The following CYTH3 variants were observed in gnomAD, a reference collection of about 807,000 sequenced individuals.
The protein encoded by CYTH3 is cytohesin-3.
Under a neutral mutation model 55.1 loss-of-function variants are expected in CYTH3, and 23 were observed. That is an observed-to-expected ratio of 0.42 (90% CI 0.30 to 0.59). The LOEUF is 0.59. Among genes scored for constraint, CYTH3 ranks in the 20% least tolerant of loss-of-function variants. The pLI, the probability that CYTH3 is intolerant of heterozygous loss-of-function variation, is 0.20. For synonymous variants in CYTH3, 249 were observed against 194.9 expected, an observed-to-expected ratio of 1.28 and a Z score of -2.31; for missense variants, 413 against 524.8, an observed-to-expected ratio of 0.79 and a Z score of 2.08.
intron 1 of CYTH3, among the ~76,000 whole-genome samples, chr7:6,267,273 C>G (rs894263166): frequency 1.3e-5 from 2 of 152,140 alleles, no homozygotes; most frequent in African/African-American, 4.8e-5. Context: ...TCAGGTACTT[C>G]TTTATAGCAA....
At chr7:6,179,611 CACACACA>C (rs1783426959) in intron 4 of CYTH3, among the ~76,000 whole-genome samples, 1 of 96,706 alleles carries the variant, frequency 1.0e-5, no homozygotes, top group Admixed American at 9.8e-5. Flanking sequence ...CACCACACAC[CACACACA>C]CACACCCCCC....
intron 1 of CYTH3, among the ~76,000 whole-genome samples, chr7:6,225,972 C>T (rs1779240760): frequency 6.6e-6 from 1 of 152,114 alleles, no homozygotes; most frequent in Non-Finnish European, 1.5e-5. Flanking sequence ...AGGTGTGAGC[C>T]ACCACACACA....
intron 6 of CYTH3, 87 bp downstream of exon 6, chr7:6,173,566 T>C (rs543072536): frequency 2.4e-6 from 2 of 837,888 alleles, no homozygotes; most frequent in Admixed American, 1.8e-5. Context: ...CCAAGTTACC[T>C]GGAGTCAATT....
At chr7:6,166,622 G>C (rs1388676364) in intron 9 of CYTH3, among the ~76,000 whole-genome samples, 2 of 152,176 alleles carry the variant, frequency 1.3e-5, no homozygotes, top group Admixed American at 1.3e-4. Context: ...CTCTGTGGAT[G>C]GATCACCAGG....
chr7:6,191,907 A>C (rs1225024075), intron 1 of CYTH3, among the ~76,000 whole-genome samples: 1 of 152,000 alleles, frequency 6.6e-6, no homozygotes, highest in East Asian at 1.9e-4. Flanking sequence ...TGGGACCCCC[A>C]TCTGAACTAA....
chr7:6,180,622 C>A (rs1450021216), intron 4 of CYTH3, among the ~76,000 whole-genome samples: 1 of 152,252 alleles, frequency 6.6e-6, no homozygotes, highest in Non-Finnish European at 1.5e-5. Flanking sequence ...TTGTTTTAAA[C>A]CACCCCGTTG....
At position 6,164,755 on chromosome 7, in the gene CYTH3, G is replaced by A. The variant is rs1021818702; in HGVS notation, c.*189C>T. 10 of 688,380 alleles carry A rather than the reference G, an allele frequency of 1.5e-5. No homozygotes were observed. Among genetic ancestry groups the A allele is most frequent in the African/African-American group, 1.4e-4 (8 of 56,002 alleles). The allele number at this position is 688,380 out of a possible 1,614,324, so 42.6% of individuals were successfully genotyped here. A position where few individuals can be genotyped will look rare whatever the true frequency, so the allele number is the denominator to read the frequency against. On this transcript the variant is annotated 3_prime_UTR_variant, in exon 13 of 13. Coordinates refer to ENST00000350796, the MANE Select transcript of CYTH3 (RefSeq NM_004227.4). The stretch of plus-strand genomic sequence containing the variant: ...CTGGAGCAGCAGCTTGCACTGCAGG[G>A]CGACCACCTCCCAGGACCCCAGCCA...
chr7:6,259,800 T>TAAA (rs1192563527), intron 1 of CYTH3, among the ~76,000 whole-genome samples: 1 of 25,512 alleles, frequency 3.9e-5, no homozygotes, highest in Non-Finnish European at 5.4e-5. Flanking sequence ...TATATATATA[T>TAAA]ATATATATAT....
At position 6,210,165 on chromosome 7, in the gene CYTH3, G is replaced by A. The variant is rs563392536; in HGVS notation, c.35-19634C>T. Among the ~76,000 whole-genome samples, 5 of 152,266 alleles carry A rather than the reference G, an allele frequency of 3.3e-5. No individual in the cohort carries two copies. The East Asian group carries it at 9.6e-4, about 29-fold the overall frequency. ...ATTGTAAGAAATGCACCACACTAATGTAAGATGTTAATAACAGAAAAACTA... is the reference window on the plus strand; with the variant it reads ...ATTGTAAGAAATGCACCACACTAATATAAGATGTTAATAACAGAAAAACTA... On this transcript the variant is annotated intron_variant, in intron 1 of 12. Coordinates refer to ENST00000350796, the MANE Select transcript of CYTH3 (RefSeq NM_004227.4).
intron 1 of CYTH3, among the ~76,000 whole-genome samples, chr7:6,235,213 C>T (rs777391084): frequency 2.0e-5 from 3 of 152,208 alleles, no homozygotes; most frequent in Non-Finnish European, 2.9e-5. Flanking sequence ...TAGTGGCTCA[C>T]GCCTGTAATC....
chr7:6,214,793 T>C (rs1380382658), intron 1 of CYTH3, among the ~76,000 whole-genome samples: 1 of 152,192 alleles, frequency 6.6e-6, no homozygotes, highest in Admixed American at 6.5e-5. Flanking sequence ...CACGGTAATA[T>C]CAAAGTACCA....
chr7:6,246,876 T>G (rs927073360), intron 1 of CYTH3, among the ~76,000 whole-genome samples: 1 of 152,242 alleles, frequency 6.6e-6, no homozygotes, highest in African/African-American at 2.4e-5. Flanking sequence ...TGATTTCAAT[T>G]CAATGTCAGT....
Position 6,263,058 on chromosome 7 carries a change from A to T in CYTH3, c.34+9416T>A, listed in dbSNP as rs139535667. Reference sequence around the variant, plus strand: ...ACCTAAAGTCATATTTGATTCCTACAGTTTCTATACCTCTAACCTTCTCCA... The same window carrying T: ...ACCTAAAGTCATATTTGATTCCTACTGTTTCTATACCTCTAACCTTCTCCA... On this transcript the variant is annotated intron_variant, in intron 1 of 12. Transcript: ENST00000350796. Among the ~76,000 whole-genome samples, 632 of 152,308 alleles carry T rather than the reference A, an allele frequency of 4.1e-3. 8 individuals carry two copies. The highest frequency in any genetic ancestry group is 0.014 in the African/African-American group (583 of 41,564).
Position 6,171,462 on chromosome 7 carries a change from A to G in CYTH3, c.450-148T>C. On this transcript the variant is annotated intron_variant, in intron 6 of 12. Coordinates refer to ENST00000350796, the MANE Select transcript of CYTH3 (RefSeq NM_004227.4). This position sits in a 1 kb window ranked among gnomAD's most constrained non-coding sequence, Gnocchi z 6.7. ...GGGGCTTGGGGGCGCAGAGACAGAA[A>G]GGAGAAGACCCAGGACAGTCTCCTT... The G allele has an allele frequency of 1.5e-6, 1 of 646,182 alleles. No homozygotes were observed. The highest frequency in any genetic ancestry group is 2.7e-6 in the Non-Finnish European group (1 of 369,360). The allele number at this position is 646,182 out of a possible 1,614,324, so 40.0% of individuals were successfully genotyped here. A position where few individuals can be genotyped will look rare whatever the true frequency, so the allele number is the denominator to read the frequency against.
intron 1 of CYTH3, among the ~76,000 whole-genome samples, chr7:6,261,491 G>A (rs1780352263): frequency 6.6e-6 from 1 of 152,066 alleles, no homozygotes; most frequent in Non-Finnish European, 1.5e-5. Flanking sequence ...GAGGCAGGCA[G>A]ATCATTTGAG....
At chr7:6,241,121 A>AG (rs1191418333) in intron 1 of CYTH3, among the ~76,000 whole-genome samples, 1 of 147,674 alleles carries the variant, frequency 6.8e-6, no homozygotes, top group East Asian at 1.9e-4. Context: ...GACTCATCTC[A>AG]AAAAAAAAAA....
At chr7:6,255,205 A>G (rs1298049735) in intron 1 of CYTH3, among the ~76,000 whole-genome samples, 1 of 152,230 alleles carries the variant, frequency 6.6e-6, no homozygotes, top group Non-Finnish European at 1.5e-5. Flanking sequence ...AGCTGCAGAT[A>G]TTTACTTAAA....
chr7:6,244,888 A>C (rs1329087016), intron 1 of CYTH3, among the ~76,000 whole-genome samples: 1 of 142,240 alleles, frequency 7.0e-6, no homozygotes, highest in Non-Finnish European at 1.5e-5. Context: ...TCCCGGGTTC[A>C]CGCCATTCTC....
chr7:6,182,173 G>A (rs1246268988), intron 4 of CYTH3, among the ~76,000 whole-genome samples: 3 of 151,938 alleles, frequency 2.0e-5, no homozygotes, highest in Non-Finnish European at 2.9e-5. Flanking sequence ...TCAGCCTCCC[G>A]AGTAGCTGAG....
Sources: gnomAD v4.1 joint callset for allele counts (sites outside exome capture counted in the v4.1 genomes callset) on GRCh38, gnomAD v4.1.1 for gene constraint, Gnocchi (gnomAD v3.1) non-coding constraint, MANE v1.5 for transcripts, NCBI Gene and HGNC (gene_info 2026-07-23, HGNC 2026-07-21) for gene names.